Variants in NLRC5 observed in about 807,000 individuals in gnomAD.
NLRC5 encodes the protein NLR family CARD domain containing 5.
Under a neutral mutation model 206.9 loss-of-function variants are expected in NLRC5, and 114 were observed. The observed-to-expected ratio is 0.55, with a 90% CI of 0.47 to 0.64. The LOEUF (loss-of-function observed/expected upper bound fraction) is 0.64, where lower values mean the gene tolerates loss of function less well. Among genes scored for constraint, NLRC5 ranks in the 30% least tolerant of loss-of-function variants. The pLI is 0.00. For missense variants in NLRC5, 2,008 were observed against 2,305.5 expected, an observed-to-expected ratio of 0.87 and a Z score of 2.64; for synonymous variants, 952 against 962.8, an observed-to-expected ratio of 0.99 and a Z score of 0.21.
intron 1 of NLRC5, among the ~76,000 whole-genome samples, chr16:56,991,377 TC>T (rs1340143962): frequency 5.8e-5 from 7 of 119,812 alleles, no homozygotes; most frequent in Non-Finnish European, 9.7e-5. Context: ...TGTTCTTTAT[TC>T]CTTTTTTTTT....
At chr16:57,041,317 C>T (rs1418725951) in intron 17 of NLRC5, 168 bp from the exon 18 acceptor site, 16 of 593,922 alleles carry the variant, frequency 2.7e-5, no homozygotes, top group South Asian at 2.0e-4. Context: ...CTGTGGGTGT[C>T]GTGTGTGTTG....
chr16:57,042,156 G>T, intron 19 of NLRC5, 91 bp downstream of exon 19: 2 of 806,108 alleles, frequency 2.5e-6, no homozygotes, highest in South Asian at 5.1e-5. Flanking sequence ...TTATTGTAAA[G>T]ATTAAATCGG....
Position 57,033,752 on chromosome 16 carries a change from G to A in NLRC5, c.2543+83G>A, listed in dbSNP as rs538562074. The A allele has an allele frequency of 1.0e-5, 14 of 1,336,400 alleles. No homozygotes were observed. The East Asian group carries it at 3.0e-4, about 29-fold the overall frequency. The allele number at this position is 1,336,400 out of a possible 1,614,324, so 82.8% of individuals were successfully genotyped here. On this transcript the variant is annotated intron_variant, in intron 12 of 48. Transcript: ENST00000688547. ...GGCAAGGGAGAGCAGGGGCAGGGAGGATAAAGGGAAAAGCAGATGAGGGAC... is the reference window on the plus strand; with the variant it reads ...GGCAAGGGAGAGCAGGGGCAGGGAGAATAAAGGGAAAAGCAGATGAGGGAC...
intron 38 of NLRC5, 124 bp from the exon 39 acceptor site, chr16:57,074,476 C>T (rs533199031): frequency 1.3e-4 from 98 of 771,044 alleles, no homozygotes; most frequent in South Asian, 1.2e-3. Context: ...AATTTTTACA[C>T]TGTGTGGATA....
At chr16:57,031,317 A>G (rs2061856940) in intron 10 of NLRC5, 87 bp from the exon 11 acceptor site, 2 of 1,402,470 alleles carry the variant, frequency 1.4e-6, no homozygotes, top group Non-Finnish European at 1.0e-6. Context: ...ATGTTTGAAC[A>G]TTTGGGGCAG....
chr16:57,041,447 A>G, intron 17 of NLRC5, 38 bp from the exon 18 acceptor site: 6 of 1,574,142 alleles, frequency 3.8e-6, no homozygotes, highest in Non-Finnish European at 5.2e-6. Context: ...GCCTCTGTTC[A>G]GTGGGGCATG....
chr16:57,015,224 C>CGT (rs1251981451), intron 1 of NLRC5, among the ~76,000 whole-genome samples: 1 of 152,156 alleles, frequency 6.6e-6, no homozygotes, highest in Non-Finnish European at 1.5e-5. Flanking sequence ...CCACCGCACC[C>CGT]GGCCTCCAGC....
intron 32 of NLRC5, chr16:57,062,628 A>G (rs2066654091): frequency 6.5e-6 from 1 of 154,526 alleles, no homozygotes; most frequent in Admixed American, 6.4e-5. Context: ...AAAAGGCTCC[A>G]TGACATTCAG....
rs77796033 is a variant in NLRC5, at chr16:57,075,005, C to CTTTTTTTTT, written c.4751+356_4751+364dup. On this transcript the variant is annotated intron_variant, in intron 39 of 48. Transcript: ENST00000688547. Reference sequence around the variant, plus strand: ...GGTCTGGAATTCTGCCTAGACTGTGCTTTTTTTTTTTTTTTTTTTTTTTTT... The same window carrying CTTTTTTTTT: ...GGTCTGGAATTCTGCCTAGACTGTGCTTTTTTTTTTTTTTTTTTTTTTTTTTTTTTTTTT... Among the ~76,000 whole-genome samples the CTTTTTTTTT allele has an allele frequency of 4.6e-4, 27 of 58,104 alleles. 11 individuals carry two copies. Among genetic ancestry groups the CTTTTTTTTT allele is most frequent in the East Asian group, 1.1e-3 (2 of 1,764 alleles). The allele number at this position is 58,104 out of a possible 152,430, so 38.1% of individuals were successfully genotyped here.
chr16:57,035,693 A>C (rs73546835), intron 13 of NLRC5, among the ~76,000 whole-genome samples: 13,827 of 152,244 alleles, frequency 0.091, 781 homozygotes, highest in African/African-American at 0.16. Context: ...CCCCATAATC[A>C]TGAAGTTTAT....
intron 38 of NLRC5, among the ~76,000 whole-genome samples, chr16:57,072,898 T>C (rs2067954218): frequency 6.6e-6 from 1 of 152,166 alleles, no homozygotes. Flanking sequence ...ATTCTTCCGC[T>C]TGTCCCTCTT....
chr16:57,024,133 G>C (rs369940851), intron 5 of NLRC5, among the ~76,000 whole-genome samples: 1 of 152,242 alleles, frequency 6.6e-6, no homozygotes, highest in South Asian at 2.1e-4. Context: ...CAGCTTCGCT[G>C]TCCAGGCTTT....
intron 1 of NLRC5, among the ~76,000 whole-genome samples, chr16:57,016,824 G>A (rs1004095827): frequency 6.6e-6 from 1 of 152,174 alleles, no homozygotes; most frequent in African/African-American, 2.4e-5. Context: ...AGGAGGAAGA[G>A]GGGCATCCTC....
chr16:57,070,927 T>G (rs111535302), intron 38 of NLRC5, among the ~76,000 whole-genome samples: 20 of 84,574 alleles, frequency 2.4e-4, no homozygotes, highest in Middle Eastern at 0.011. Flanking sequence ...AATGGGGAAG[T>G]GTTGTGAGTG....
rs1258098715 is a variant in NLRC5, at chr16:57,026,234, C to A, written c.1291C>A (p.Leu431Ile). 3 of 1,613,748 alleles carry A rather than the reference C, an allele frequency of 1.9e-6. No individual in the cohort carries two copies. The highest frequency in any genetic ancestry group is 1.7e-6 in the Non-Finnish European group (2 of 1,180,064). The change falls in exon 6 of 49, where the codon CTC becomes ATC. Residue 431 changes from leucine (L) to isoleucine (I), a missense_variant. Coordinates refer to ENST00000688547, the MANE Select transcript of NLRC5 (RefSeq NM_001384950.1). ...CCACGCCCCAGGCCAGTCTGTGGCC[C>A]TCCTGCCCAACATGACTCAGCTCTA... ...PDHAPGQSVA[L>I]LPNMTQLYMQ...
chr16:57,033,709 A>T, intron 12 of NLRC5, 40 bp downstream of exon 12: 1 of 1,584,436 alleles, frequency 6.3e-7, no homozygotes, highest in African/African-American at 1.3e-5. Context: ...GAGGGATATG[A>T]TATGGGGGAA....
intron 23 of NLRC5, among the ~76,000 whole-genome samples, chr16:57,049,115 A>AC (rs1567601854): frequency 2.0e-5 from 3 of 152,202 alleles, no homozygotes; most frequent in African/African-American, 2.4e-5. Context: ...GCTAAAAAAA[A>AC]AAAACAAAAC....
intron 1 of NLRC5, chr16:57,013,627 T>G (rs1182497430): frequency 9.8e-7 from 1 of 1,021,822 alleles, no homozygotes. Flanking sequence ...ACTGGGCCAT[T>G]GTTTTTGCCA....
At chr16:57,079,413 C>T in intron 45 of NLRC5, 121 bp downstream of exon 45, 1 of 1,378,878 alleles carries the variant, frequency 7.3e-7, no homozygotes, top group Non-Finnish European at 1.0e-6. Context: ...ATGGTGGGGG[C>T]CTGGCTCAAG....
Sources: allele counts gnomAD v4.1 joint callset (sites outside exome capture counted in the v4.1 genomes callset), GRCh38; gene constraint gnomAD v4.1.1; transcripts MANE v1.5; gene names NCBI Gene and HGNC (gene_info 2026-07-23, HGNC 2026-07-21).